Variants in RHCE observed in about 807,000 individuals in gnomAD.
RHCE encodes Rh blood group CcEe antigens.
Under a neutral mutation model 43.8 loss-of-function variants are expected in RHCE, and 22 were observed. The ratio of observed to expected loss-of-function variants is 0.50; its 90% CI spans 0.36 to 0.72. The LOEUF (loss-of-function observed/expected upper bound fraction) is 0.72. Ranked by LOEUF, RHCE falls within the 30% of genes least tolerant of loss-of-function variation. The probability of loss-of-function intolerance (pLI) is 0.00; values close to 1 mark genes in which losing one functional copy is unlikely to be tolerated. For synonymous variants in RHCE, 156 were observed against 210.7 expected (o/e 0.74, Z 2.25); for missense variants, 385 against 525.4 (o/e 0.73, Z 2.61).
At chr1:25,379,493 ATATTTTT>A (rs1645924101) in intron 7 of RHCE, among the ~76,000 whole-genome samples, 9 of 17,906 alleles carry the variant, frequency 5.0e-4, no homozygotes, top group African/African-American at 3.0e-3. Flanking sequence ...ATATATATAT[ATATTTTT>A]TTTTTTTTTT....
chr1:25,418,270 G>C (rs1230032592), intron 1 of RHCE, among the ~76,000 whole-genome samples: 1 of 149,162 alleles, frequency 6.7e-6, no homozygotes, highest in Non-Finnish European at 1.5e-5. Context: ...CAGGTGATCT[G>C]CCCGCCTTGG....
chr1:25,378,607 T>C (rs1645858795), intron 7 of RHCE, among the ~76,000 whole-genome samples: 1 of 152,182 alleles, frequency 6.6e-6, no homozygotes, highest in South Asian at 2.1e-4. Context: ...GAAACTCATA[T>C]TATAAACCCC....
chr1:25,420,936 G>C, upstream of RHCE: 1 of 1,513,520 alleles, frequency 6.6e-7, no homozygotes, highest in South Asian at 1.2e-5. Flanking sequence ...GCCTGTCTAT[G>C]GAGTTAACAC....
chr1:25,396,956 A>C (rs1268881671), intron 3 of RHCE, among the ~76,000 whole-genome samples: 1 of 149,908 alleles, frequency 6.7e-6, no homozygotes, highest in African/African-American at 2.5e-5. Context: ...TCTACTAAAA[A>C]TACAAAAATT....
chr1:25,420,193 A>G (rs2042729501), intron 1 of RHCE, among the ~76,000 whole-genome samples: 1 of 152,134 alleles, frequency 6.6e-6, no homozygotes, highest in Non-Finnish European at 1.5e-5. Flanking sequence ...AAAAGAAATA[A>G]GAAATGAGCG....
At chr1:25,403,206 C>G (rs616005) in intron 2 of RHCE, among the ~76,000 whole-genome samples, 43 of 152,206 alleles carry the variant, frequency 2.8e-4, no homozygotes, top group East Asian at 5.8e-4. Flanking sequence ...CCTTCTCTCC[C>G]TCTCCGTGGC....
intron 1 of RHCE, among the ~76,000 whole-genome samples, chr1:25,413,384 A>G (rs1161754626): frequency 6.6e-6 from 1 of 152,038 alleles, no homozygotes; most frequent in Non-Finnish European, 1.5e-5. Flanking sequence ...AGCTTGGAGC[A>G]TCCTCACTGG....
Position 25,362,249 on chromosome 1 carries a change from T to C in RHCE, c.*278A>G. 1.5e-6 allele frequency: 1 copy of C among 655,348 alleles called. No homozygotes were observed. Among genetic ancestry groups the C allele is most frequent in the Non-Finnish European group, 2.5e-6 (1 of 395,754 alleles). The allele number at this position is 655,348 out of a possible 1,614,324, so 40.6% of individuals were successfully genotyped here. The stretch of plus-strand genomic sequence containing the variant: ...GAGAAAGAATCTTAAGAATTGTCAA[T>C]AAAATTAACCCAAAACTTTAATAAT... On this transcript the variant is annotated 3_prime_UTR_variant, in exon 10 of 10. Coordinates refer to ENST00000294413, the MANE Select transcript of RHCE (RefSeq NM_020485.8).
chr1:25,371,646 T>TA (rs1645615390), intron 8 of RHCE, among the ~76,000 whole-genome samples: 1 of 151,622 alleles, frequency 6.6e-6, no homozygotes, highest in Admixed American at 6.6e-5. Flanking sequence ...GGGCTGCAAT[T>TA]ACAGGTGTGA....
At chr1:25,418,496 T>A (rs925279141) in intron 1 of RHCE, among the ~76,000 whole-genome samples, 3 of 152,036 alleles carry the variant, frequency 2.0e-5, no homozygotes, top group Non-Finnish European at 4.4e-5. Context: ...AGAGATGGGG[T>A]TTTGCCATGT....
Position 25,397,743 on chromosome 1 carries a change from G to A in RHCE, c.486+4853C>T, listed in dbSNP as rs1005048288. On this transcript the variant is annotated intron_variant, in intron 3 of 9. Coordinates refer to ENST00000294413, the MANE Select transcript of RHCE (RefSeq NM_020485.8). ...TTCCCTCTCGGCTCCTTGACCGCTCGTCTCTTTCCCTGCGTTACACTTCTG... is the reference window on the plus strand; with the variant it reads ...TTCCCTCTCGGCTCCTTGACCGCTCATCTCTTTCCCTGCGTTACACTTCTG... Among the ~76,000 whole-genome samples the A allele has an allele frequency of 3.2e-3, 480 of 150,114 alleles. 6 individuals are homozygous for A. Among genetic ancestry groups the A allele is most frequent in the Non-Finnish European group, 5.7e-3 (384 of 67,524 alleles).
chr1:25,404,072 G>T (rs1245723895), intron 2 of RHCE, among the ~76,000 whole-genome samples: 2 of 149,634 alleles, frequency 1.3e-5, no homozygotes, highest in African/African-American at 4.9e-5. Context: ...CGAGGCTGAG[G>T]CATGGCAGTC....
intron 7 of RHCE, among the ~76,000 whole-genome samples, chr1:25,384,778 G>A (rs984823193): frequency 6.6e-6 from 1 of 152,166 alleles, no homozygotes; most frequent in African/African-American, 2.4e-5. Flanking sequence ...TTACAGCCAG[G>A]TTCCAGCCGG....
At chr1:25,387,826 C>CTTT (rs869107641) in intron 6 of RHCE, among the ~76,000 whole-genome samples, 1 of 146,292 alleles carries the variant, frequency 6.8e-6, no homozygotes, top group African/African-American at 2.5e-5. Flanking sequence ...ATATAAAACA[C>CTTT]TTTTTTTTTT....
At chr1:25,371,905 T>C (rs1571828557) in intron 8 of RHCE, among the ~76,000 whole-genome samples, 1 of 151,226 alleles carries the variant, frequency 6.6e-6, no homozygotes, top group Non-Finnish European at 1.5e-5. Context: ...GTGGTGCTGC[T>C]TTTAGCAGAT....
intron 7 of RHCE, among the ~76,000 whole-genome samples, chr1:25,381,576 C>A (rs1646004439): frequency 1.3e-5 from 2 of 151,848 alleles, no homozygotes; most frequent in African/African-American, 4.8e-5. Flanking sequence ...CCTGCTTCAG[C>A]CTCCTGAGTA....
intron 3 of RHCE, 22 bp from the exon 4 acceptor site, chr1:25,392,163 G>A (rs145624225): frequency 3.1e-6 from 5 of 1,614,086 alleles, no homozygotes; most frequent in Non-Finnish European, 3.4e-6. Context: ...CCCAGTAAGA[G>A]CAGTGAGTGT....
intron 3 of RHCE, among the ~76,000 whole-genome samples, chr1:25,401,988 T>A (rs1040320565): frequency 6.6e-6 from 1 of 152,190 alleles, no homozygotes. Flanking sequence ...GCGATTCTCT[T>A]GCCTCAGCCT....
intron 1 of RHCE, 53 bp downstream of exon 1, chr1:25,420,586 C>G (rs1205077264): frequency 1.2e-5 from 19 of 1,613,838 alleles, no homozygotes; most frequent in Non-Finnish European, 1.5e-5. Context: ...AGGCCTCCCC[C>G]GCCCCTGCCC....
Sources: allele counts gnomAD v4.1 joint callset (sites outside exome capture counted in the v4.1 genomes callset), GRCh38; gene constraint gnomAD v4.1.1; transcripts MANE v1.5; gene names NCBI Gene and HGNC (gene_info 2026-07-23, HGNC 2026-07-21).